The following SGSM2 variants were observed in gnomAD, a reference collection of about 807,000 sequenced individuals.
The protein encoded by SGSM2 is small G protein signaling modulator 2.
In SGSM2, 89 loss-of-function variants were observed where a neutral mutation model predicts 126.6. The observed-to-expected ratio is 0.70, with a 90% confidence interval of 0.59 to 0.84. The LOEUF is 0.84. SGSM2 is among the 40% of genes least tolerant of loss of function. The pLI is 0.00. For missense variants in SGSM2, 1,404 were observed against 1,416.6 expected (o/e 0.99, Z 0.14); for synonymous variants, 614 against 574.3 (o/e 1.07, Z -0.99).
At chr17:2,340,809 C>T (rs1448059912) in intron 1 of SGSM2, among the ~76,000 whole-genome samples, 1 of 152,154 alleles carries the variant, frequency 6.6e-6, no homozygotes, top group Non-Finnish European at 1.5e-5. Context: ...TGGTCTCGAT[C>T]TCCTGACCTC....
At chr17:2,348,938 T>C (rs1353164206) in intron 2 of SGSM2, among the ~76,000 whole-genome samples, 1 of 152,004 alleles carries the variant, frequency 6.6e-6, no homozygotes, top group Non-Finnish European at 1.5e-5. Context: ...TACTTTTTTG[T>C]ATTTTTGTAG....
At chr17:2,374,892 T>C (rs1051136300) in intron 17 of SGSM2, among the ~76,000 whole-genome samples, 4 of 152,202 alleles carry the variant, frequency 2.6e-5, no homozygotes, top group Admixed American at 1.3e-4. Context: ...AGTCTCTGTA[T>C]GTGTCTCTTC....
At chr17:2,370,132 G>A (rs540575692) in intron 12 of SGSM2, among the ~76,000 whole-genome samples, 84 of 152,308 alleles carry the variant, frequency 5.5e-4, no homozygotes, top group African/African-American at 1.9e-3. Context: ...AGTGGGCCCC[G>A]GCCCAGGCTG....
At chr17:2,357,614 C>T (rs2065135765) in intron 2 of SGSM2, among the ~76,000 whole-genome samples, 1 of 152,212 alleles carries the variant, frequency 6.6e-6, no homozygotes. Context: ...TCTTCTGCCT[C>T]AACCTCCCAA....
chr17:2,375,422 GC>G (rs1168251662), intron 17 of SGSM2, 69 bp from the exon 18 acceptor site: 23 of 1,527,966 alleles, frequency 1.5e-5, no homozygotes, highest in Non-Finnish European at 1.9e-5. Flanking sequence ...CTCCCTTCTG[GC>G]CCGAGGAGGC....
chr17:2,376,498 C>T, intron 19 of SGSM2: 1 of 662,464 alleles, frequency 1.5e-6, no homozygotes, highest in Non-Finnish European at 2.6e-6. Context: ...CATCCCCGCA[C>T]CCCCGCCCCA....
Position 2,367,976 on chromosome 17 carries a change from G to T in SGSM2, c.1423+571G>T, listed in dbSNP as rs1354844267. ...GCCTGGTACTTTGGCATGAAATCTAGAAATAGCTGCAGCATGGTGTCCAGG... is the reference window on the plus strand; with the variant it reads ...GCCTGGTACTTTGGCATGAAATCTATAAATAGCTGCAGCATGGTGTCCAGG... On this transcript the variant is annotated intron_variant, in intron 12 of 23. Transcript: ENST00000268989. This position sits in a 1 kb window ranked among gnomAD's most constrained non-coding sequence, Gnocchi z 4.0. 2.0e-5 allele frequency among the ~76,000 whole-genome samples: 3 copies of T among 152,224 alleles called. No homozygotes were observed. Among genetic ancestry groups the T allele is most frequent in the Non-Finnish European group, 4.4e-5 (3 of 68,034 alleles).
intron 2 of SGSM2, among the ~76,000 whole-genome samples, chr17:2,348,846 C>T (rs760774284): frequency 7.9e-5 from 12 of 152,068 alleles, no homozygotes; most frequent in African/African-American, 2.4e-4. Flanking sequence ...CACTCAGCCT[C>T]GACCTTCTGG....
chr17:2,353,870 C>T (rs2064979097), intron 2 of SGSM2, among the ~76,000 whole-genome samples: 1 of 152,072 alleles, frequency 6.6e-6, no homozygotes, highest in Non-Finnish European at 1.5e-5. Context: ...TTTTGTTTCT[C>T]ATGCATCCTT....
chr17:2,372,800 C>A lies in SGSM2; in HGVS notation c.1789-153C>A. 1.9e-6 allele frequency: 2 copies of A among 1,059,304 alleles called. No homozygotes were observed. Among genetic ancestry groups the A allele is most frequent in the Non-Finnish European group, 2.7e-6 (2 of 748,566 alleles). The allele number at this position is 1,059,304 out of a possible 1,614,324, so 65.6% of individuals were successfully genotyped here. On this transcript the variant is annotated intron_variant, in intron 15 of 23. Coordinates refer to ENST00000268989, the MANE Select transcript of SGSM2 (RefSeq NM_014853.3). The surrounding 1 kb of genome is among the most constrained non-coding windows in gnomAD (Gnocchi z 6.0). ...TCTCATCCCACTGTGAGCTGGGGCA[C>A]GGGAGGACGTGGCCACCCCAAAGCA...
chr17:2,364,838 C>T, intron 9 of SGSM2, 59 bp from the exon 10 acceptor site: 1 of 1,591,380 alleles, frequency 6.3e-7, no homozygotes, highest in Non-Finnish European at 8.5e-7. Context: ...GGGCACTGGC[C>T]AGCAGGGTGT....
chr17:2,354,678 G>A (rs1437290265), intron 2 of SGSM2, among the ~76,000 whole-genome samples: 1 of 152,264 alleles, frequency 6.6e-6, no homozygotes, highest in African/African-American at 2.4e-5. Flanking sequence ...CATTAGTGGA[G>A]AGGGCCATAT....
intron 2 of SGSM2, among the ~76,000 whole-genome samples, chr17:2,351,721 G>A (rs1253455694): frequency 2.6e-5 from 4 of 151,996 alleles, no homozygotes; most frequent in Admixed American, 6.6e-5. Flanking sequence ...CACCACGCTC[G>A]GCTACTTTTT....
chr17:2,348,762 T>C (rs988363933), intron 2 of SGSM2, among the ~76,000 whole-genome samples: 1 of 152,088 alleles, frequency 6.6e-6, no homozygotes, highest in Non-Finnish European at 1.5e-5. Context: ...GTTTTTATTT[T>C]GTTTTGTTTC....
At position 2,373,560 on chromosome 17, in the gene SGSM2, G is replaced by A. The variant is rs370673033; in HGVS notation, c.2100+47G>A. On this transcript the variant is annotated intron_variant, in intron 17 of 23. Coordinates refer to ENST00000268989, the MANE Select transcript of SGSM2 (RefSeq NM_014853.3). ...GGGTTGGGGGTCTCGGGGGCCACCCGCGTTTTATGCACAGTGGTCCTGAGC... is the reference window on the plus strand; with the variant it reads ...GGGTTGGGGGTCTCGGGGGCCACCCACGTTTTATGCACAGTGGTCCTGAGC... 9.6e-5 allele frequency: 147 copies of A among 1,529,658 alleles called. No individual in the cohort carries two copies. The African/African-American group carries it at 1.6e-3, about 16-fold the overall frequency. The allele number at this position is 1,529,658 out of a possible 1,614,324, so 94.8% of individuals were successfully genotyped here. A position where few individuals can be genotyped will look rare whatever the true frequency, so the allele number is the denominator to read the frequency against.
chr17:2,374,693 T>C (rs1030043853), intron 17 of SGSM2: 2 of 152,252 alleles, frequency 1.3e-5, no homozygotes, highest in Admixed American at 1.3e-4. Flanking sequence ...GGCTTTGGGT[T>C]TTGTAAAAAT....
rs1168052357 is a variant in SGSM2 at position 2,364,271 on chromosome 17, A to T, written c.932+88A>T. On this transcript the variant is annotated intron_variant, in intron 8 of 23. Coordinates refer to ENST00000268989, the MANE Select transcript of SGSM2 (RefSeq NM_014853.3). ...GGGATGGAGAAACCCCGCTTGCTCC[A>T]GGAGGCCAACCTCACTCTTTATTTG... The T allele has an allele frequency of 2.0e-6, 3 of 1,537,870 alleles. No individual in the cohort carries two copies. In the East Asian group the frequency reaches 6.9e-5, roughly 35 times the overall value.
At chr17:2,379,278 T>C (rs1567855751) in intron 23 of SGSM2, 75 bp downstream of exon 23, 1 of 1,579,996 alleles carries the variant, frequency 6.3e-7, no homozygotes. Context: ...CGCACACAGC[T>C]GGAGGGTTCT....
At chr17:2,377,268 G>A (rs1477659961) in intron 21 of SGSM2, 200 bp downstream of exon 21, 8 of 539,908 alleles carry the variant, frequency 1.5e-5, no homozygotes, top group South Asian at 4.8e-5. Flanking sequence ...GGCGGATCAC[G>A]AAGTCAGGAG....
Sources: allele counts gnomAD v4.1 joint callset (sites outside exome capture counted in the v4.1 genomes callset), GRCh38; gene constraint gnomAD v4.1.1; non-coding constraint Gnocchi (gnomAD v3.1); transcripts MANE v1.5; gene names NCBI Gene and HGNC (gene_info 2026-07-23, HGNC 2026-07-21).